The following FGGY variants were observed in gnomAD, a reference collection of about 807,000 sequenced individuals.
FGGY encodes FGGY carbohydrate kinase domain-containing protein.
A neutral mutation model predicts 71.3 loss-of-function variants in FGGY; 72 were observed. The ratio of observed to expected loss-of-function variants is 1.01; its 90% CI spans 0.84 to 1.23. The LOEUF is 1.23. Among genes scored for constraint, FGGY ranks in the 50% most tolerant of loss-of-function variants. FGGY has a pLI of 0.00. For synonymous variants in FGGY, 251 were observed against 250.3 expected (o/e 1.00, Z -0.02); for missense variants, 668 against 682.3 (o/e 0.98, Z 0.23).
intron 8 of FGGY, 21 bp downstream of exon 8, chr1:59,554,248 G>A (rs1197366840): frequency 1.9e-6 from 3 of 1,593,446 alleles, no homozygotes; most frequent in African/African-American, 1.3e-5. Flanking sequence ...TGAGCACAAA[G>A]GCAAGGCCAC....
intron 14 of FGGY, among the ~76,000 whole-genome samples, chr1:59,756,392 C>T (rs900798185): frequency 6.6e-6 from 1 of 152,188 alleles, no homozygotes; most frequent in Non-Finnish European, 1.5e-5. Context: ...ATAGAGCAAC[C>T]TAGCAGGAGT....
chr1:59,616,496 G>A (rs544953412), intron 9 of FGGY, among the ~76,000 whole-genome samples: 1 of 152,224 alleles, frequency 6.6e-6, no homozygotes, highest in South Asian at 2.1e-4. Flanking sequence ...TGAGGGGAGT[G>A]GAGAGGGATA....
intron 8 of FGGY, among the ~76,000 whole-genome samples, chr1:59,555,430 T>A (rs1444572044): frequency 1.3e-5 from 2 of 152,246 alleles, no homozygotes; most frequent in African/African-American, 4.8e-5. Flanking sequence ...ATCTACAATA[T>A]GTAGAGAGTG....
chr1:59,737,370 C>T (rs1195331104), intron 14 of FGGY, among the ~76,000 whole-genome samples: 1 of 152,232 alleles, frequency 6.6e-6, no homozygotes, highest in African/African-American at 2.4e-5. Context: ...TGACAGCTTA[C>T]ACCATGTGCC....
intron 7 of FGGY, among the ~76,000 whole-genome samples, chr1:59,542,880 C>G (rs1336843155): frequency 6.6e-6 from 1 of 152,074 alleles, no homozygotes; most frequent in Non-Finnish European, 1.5e-5. Flanking sequence ...AAAGTCAGTG[C>G]CCTCCCTCAC....
At chr1:59,544,051 G>A (rs552000895) in intron 7 of FGGY, among the ~76,000 whole-genome samples, 6 of 152,320 alleles carry the variant, frequency 3.9e-5, no homozygotes, top group Non-Finnish European at 7.3e-5. Context: ...AAGCTGGGGG[G>A]TTTCCTTGGG....
chr1:59,335,877 T>G (rs2049389162), intron 2 of FGGY, among the ~76,000 whole-genome samples: 1 of 152,170 alleles, frequency 6.6e-6, no homozygotes, highest in African/African-American at 2.4e-5. Context: ...ATTATTTGAG[T>G]TTTAAAATAT....
intron 1 of FGGY, among the ~76,000 whole-genome samples, chr1:59,299,781 T>C (rs1358015951): frequency 6.6e-6 from 1 of 152,150 alleles, no homozygotes; most frequent in African/African-American, 2.4e-5. Flanking sequence ...CTGCACAGGC[T>C]AAACTAATTC....
intron 14 of FGGY, among the ~76,000 whole-genome samples, chr1:59,690,561 CGCCCTTAGATGTT>C (rs1378785743): frequency 6.6e-6 from 1 of 152,158 alleles, no homozygotes; most frequent in African/African-American, 2.4e-5. Context: ...TCTCTTGCAC[CGCCCTTAGATGTT>C]GCCATGTTTG....
At chr1:59,611,547 GA>G (rs1003107085) in intron 9 of FGGY, among the ~76,000 whole-genome samples, 2 of 152,136 alleles carry the variant, frequency 1.3e-5, no homozygotes, top group African/African-American at 4.8e-5. Context: ...CAAAGATGGG[GA>G]AAAAACAGAG....
chr1:59,383,866 G>T (rs895895097), intron 5 of FGGY, among the ~76,000 whole-genome samples: 2 of 152,016 alleles, frequency 1.3e-5, no homozygotes, highest in African/African-American at 4.8e-5. Context: ...TTGATGTCTC[G>T]TGTCTCCCTA....
At chr1:59,329,310 T>C (rs1401182397) in intron 2 of FGGY, among the ~76,000 whole-genome samples, 1 of 122,518 alleles carries the variant, frequency 8.2e-6, no homozygotes, top group Non-Finnish European at 1.7e-5. Flanking sequence ...TAGCACTGTA[T>C]CTAAAAAAAA....
At chr1:59,592,351 T>C (rs1309560183) in intron 8 of FGGY, among the ~76,000 whole-genome samples, 1 of 152,018 alleles carries the variant, frequency 6.6e-6, no homozygotes, top group African/African-American at 2.4e-5. Flanking sequence ...TGTAAACTAG[T>C]TCAACCATTG....
At chr1:59,339,086 C>G (rs1216392013) in intron 2 of FGGY, among the ~76,000 whole-genome samples, 1 of 152,110 alleles carries the variant, frequency 6.6e-6, no homozygotes, top group African/African-American at 2.4e-5. Flanking sequence ...GTTTCATGCA[C>G]AAAATCATTA....
intron 14 of FGGY, among the ~76,000 whole-genome samples, chr1:59,741,056 G>T (rs2098142885): frequency 6.6e-6 from 1 of 152,122 alleles, no homozygotes; most frequent in African/African-American, 2.4e-5. Context: ...TTTTTTAAGT[G>T]GGTACTAGAA....
intron 14 of FGGY, among the ~76,000 whole-genome samples, chr1:59,716,928 A>G (rs1472285109): frequency 1.3e-5 from 2 of 152,236 alleles, no homozygotes; most frequent in African/African-American, 4.8e-5. Context: ...CAGAATGAGT[A>G]AATAATGTGG....
intron 6 of FGGY, among the ~76,000 whole-genome samples, chr1:59,460,667 C>T (rs2092116211): frequency 6.6e-6 from 1 of 152,220 alleles, no homozygotes; most frequent in African/African-American, 2.4e-5. Context: ...CGACTGACAT[C>T]TCATACAGCT....
At chr1:59,647,864 C>G (rs2097111772) in intron 11 of FGGY, among the ~76,000 whole-genome samples, 1 of 123,896 alleles carries the variant, frequency 8.1e-6, no homozygotes, top group Non-Finnish European at 1.7e-5. Flanking sequence ...CGTCATCTAG[C>G]ATTAGGTATA....
intron 8 of FGGY, among the ~76,000 whole-genome samples, chr1:59,602,060 G>C (rs916663772): frequency 6.6e-6 from 1 of 152,196 alleles, no homozygotes; most frequent in African/African-American, 2.4e-5. Context: ...AGTTCTGATT[G>C]ACCAGCTGGG....
Sources: gnomAD v4.1 joint callset for allele counts (sites outside exome capture counted in the v4.1 genomes callset) on GRCh38, gnomAD v4.1.1 for gene constraint, MANE v1.5 for transcripts, NCBI Gene and HGNC (gene_info 2026-07-23, HGNC 2026-07-21) for gene names.